NCOR2: variants seen among roughly 807,000 people sequenced by gnomAD.
The protein encoded by NCOR2 is CTG repeat protein 26.
A neutral mutation model predicts 262.9 loss-of-function variants in NCOR2; 81 were observed. The ratio of observed to expected loss-of-function variants is 0.31; its 90% CI spans 0.26 to 0.37. The LOEUF (loss-of-function observed/expected upper bound fraction) is 0.37, where lower values mean the gene tolerates loss of function less well. Among genes scored for constraint, NCOR2 ranks in the 10% least tolerant of loss-of-function variants. NCOR2 has a pLI of 1.00. For missense variants in NCOR2, 3,385 were observed against 3,621.4 expected (o/e 0.93, Z 1.68); for synonymous variants, 1,659 against 1,559.3 (o/e 1.06, Z -1.51).
chr12:124,539,934 G>C (rs2051237788), upstream of NCOR2, among the ~76,000 whole-genome samples: 1 of 152,068 alleles, frequency 6.6e-6, no homozygotes, highest in Non-Finnish European at 1.5e-5. This position sits in a 1 kb window ranked among gnomAD's most constrained non-coding sequence, Gnocchi z 5.1. Context: ...CCACACAGCT[G>C]CAAGAGGCAG....
chr12:124,444,454 T>A (rs2045020602), intron 7 of NCOR2, among the ~76,000 whole-genome samples: 2 of 152,178 alleles, frequency 1.3e-5, no homozygotes, highest in African/African-American at 4.8e-5. Context: ...GGACCCTAGC[T>A]GGGACTGGTC....
At chr12:124,339,126 A>C (rs1593117577) in intron 37 of NCOR2, among the ~76,000 whole-genome samples, 2 of 127,732 alleles carry the variant, frequency 1.6e-5, no homozygotes, top group African/African-American at 6.4e-5. Context: ...ACTTAACCCA[A>C]CCACCCACCC....
intron 44 of NCOR2, among the ~76,000 whole-genome samples, chr12:124,328,208 G>C (rs1379306671): frequency 7.1e-6 from 1 of 139,868 alleles, no homozygotes; most frequent in East Asian, 2.1e-4. Context: ...CCTGTGTGAT[G>C]GGACGTGCAG....
At chr12:124,362,415 T>C in intron 21 of NCOR2, 118 bp from the exon 24 acceptor site, 2 of 915,608 alleles carry the variant, frequency 2.2e-6, no homozygotes, top group East Asian at 2.8e-5. Flanking sequence ...AGCGACATGC[T>C]CAAGGTCCCA....
Position 124,333,119 on chromosome 12 carries a change from C to T in NCOR2, c.6755+11G>A. 1 of 1,593,722 alleles carries T rather than the reference C, an allele frequency of 6.3e-7. No individual in the cohort carries two copies. Among genetic ancestry groups the T allele is most frequent in the Non-Finnish European group, 8.6e-7 (1 of 1,168,498 alleles). On this transcript the variant is annotated intron_variant, in intron 42 of 46. Transcript: ENST00000405201. Reference sequence around the variant, plus strand: ...GCATCCCGGGGGCAGCGCATGTGCCCACAGAAGTACCTGGGCTCCGTCTGT... The same window carrying T: ...GCATCCCGGGGGCAGCGCATGTGCCTACAGAAGTACCTGGGCTCCGTCTGT...
chr12:124,506,171 T>C (rs941463576), intron 1 of NCOR2, among the ~76,000 whole-genome samples: 3 of 152,100 alleles, frequency 2.0e-5, no homozygotes, highest in Non-Finnish European at 4.4e-5. Flanking sequence ...ACGCTCCAGT[T>C]CCATTCACCA....
chr12:124,325,268 AGATG>A (rs1319278848), exon 47 of NCOR2: 6 of 511,692 alleles, frequency 1.2e-5, no homozygotes, highest in African/African-American at 6.0e-5. Context: ...CTGGACGGAC[AGATG>A]GATGGAGGCG....
chr12:124,371,897 C>T (rs912554363), intron 20 of NCOR2, 125 bp downstream of exon 22: 1 of 1,005,250 alleles, frequency 9.9e-7, no homozygotes, highest in East Asian at 2.7e-5. Context: ...GTCTGCCTCC[C>T]TAACCACACC....
intron 3 of NCOR2, among the ~76,000 whole-genome samples, chr12:124,477,297 T>C (rs1182534326): frequency 6.6e-6 from 1 of 152,252 alleles, no homozygotes; most frequent in Non-Finnish European, 1.5e-5. Context: ...TTCCCCACTT[T>C]TGCTCAGCAC....
exon 29 of NCOR2, chr12:124,348,212 C>T: frequency 6.2e-7 from 1 of 1,612,714 alleles, no homozygotes; most frequent in South Asian, 1.1e-5. Context: ...GCCCACGCGG[C>T]CCTCCATCAT....
intron 20 of NCOR2, among the ~76,000 whole-genome samples, chr12:124,369,180 C>G (rs2039280456): frequency 6.6e-6 from 1 of 152,208 alleles, no homozygotes; most frequent in Non-Finnish European, 1.5e-5. Flanking sequence ...AAAAAGCACC[C>G]AGGCACCTTC....
In NCOR2 at chr12:124,517,888, C is replaced by T. The variant is rs1438846163; in HGVS notation, c.-118+17677G>A. ...TGAGCTCAGGGCCGACAACACTGCG[C>T]TGCCAGGGGAGGGTCCAGCTGCCCC... On this transcript the variant is annotated intron_variant, in intron 1 of 46. Transcript: ENST00000404621. The surrounding 1 kb of genome is among the most constrained non-coding windows in gnomAD (Gnocchi z 7.6). 2.0e-5 allele frequency among the ~76,000 whole-genome samples: 3 copies of T among 152,362 alleles called. No individual in the cohort carries two copies. Among genetic ancestry groups the T allele is most frequent in the East Asian group, 3.9e-4 (2 of 5,178 alleles).
intron 1 of NCOR2, among the ~76,000 whole-genome samples, chr12:124,521,560 C>T (rs1056212998): frequency 1.3e-5 from 2 of 152,108 alleles, no homozygotes; most frequent in African/African-American, 4.8e-5. Context: ...TAGGTAAGTC[C>T]ACAGAGGCAG....
At chr12:124,506,673 G>A (rs1297550116) in intron 1 of NCOR2, among the ~76,000 whole-genome samples, 3 of 152,014 alleles carry the variant, frequency 2.0e-5, no homozygotes, top group African/African-American at 4.8e-5. Context: ...AGTTCCGGGC[G>A]CCCCAGGAGG....
intron 16 of NCOR2, among the ~76,000 whole-genome samples, chr12:124,390,093 G>A (rs188280747): frequency 6.6e-6 from 1 of 152,294 alleles, no homozygotes; most frequent in Non-Finnish European, 1.5e-5. Context: ...CGATGCCAGG[G>A]GAGGGCAACA....
chr12:124,543,806 C>CT (rs1472367351), intron 1 of NCOR2, among the ~76,000 whole-genome samples: 3 of 152,202 alleles, frequency 2.0e-5, no homozygotes, highest in Non-Finnish European at 4.4e-5. Context: ...AGGCCCCACG[C>CT]GGCAGCACGG....
At chr12:124,473,541 G>A (rs2046935399) in intron 3 of NCOR2, among the ~76,000 whole-genome samples, 1 of 152,086 alleles carries the variant, frequency 6.6e-6, no homozygotes, top group Non-Finnish European at 1.5e-5. Flanking sequence ...GGGACCTTGT[G>A]ATCGTGTGAG....
At chr12:124,341,269 T>G (rs750681114) in intron 34 of NCOR2, among the ~76,000 whole-genome samples, 10 of 151,906 alleles carry the variant, frequency 6.6e-5, no homozygotes, top group Non-Finnish European at 1.5e-4. Context: ...AGACACAGTC[T>G]TGCCCTGTTG....
Position 124,422,614 on chromosome 12 carries a change from G to C in NCOR2, c.1329-59C>G, listed in dbSNP as rs994210079. 4.4e-6 allele frequency: 7 copies of C among 1,600,150 alleles called. No homozygotes were observed. In the African/African-American group the frequency reaches 9.4e-5, roughly 21 times the overall value. ...CCGAGGGGGGCTTTCCTGCGGGGCAGCCGATCGGCTCCCAGGCGCCTGCCA... is the reference window on the plus strand; with the variant it reads ...CCGAGGGGGGCTTTCCTGCGGGGCACCCGATCGGCTCCCAGGCGCCTGCCA... On this transcript the variant is annotated intron_variant, in intron 11 of 46. Coordinates refer to ENST00000405201, the Ensembl canonical transcript of NCOR2.
Sources: gnomAD v4.1 joint callset for allele counts (sites outside exome capture counted in the v4.1 genomes callset) on GRCh38, gnomAD v4.1.1 for gene constraint, Gnocchi (gnomAD v3.1) non-coding constraint, MANE v1.5 for transcripts, NCBI Gene and HGNC (gene_info 2026-07-23, HGNC 2026-07-21) for gene names.